Variants in SEMA5A observed in about 807,000 individuals in gnomAD.
The protein encoded by SEMA5A is semaphorin-5A.
In SEMA5A, 55 loss-of-function variants were observed where a neutral mutation model predicts 135.5. The ratio of observed to expected loss-of-function variants is 0.41; its 90% CI spans 0.33 to 0.51. SEMA5A has a LOEUF of 0.51. Ranked by LOEUF, SEMA5A falls within the 20% of genes least tolerant of loss-of-function variation. The probability of loss-of-function intolerance (pLI) is 0.37; values close to 1 mark genes in which losing one functional copy is unlikely to be tolerated. For missense variants in SEMA5A, 1,290 were observed against 1,419.9 expected (o/e 0.91, Z 1.47); for synonymous variants, 580 against 546.5 (o/e 1.06, Z -0.85).
At chr5:9,281,969 C>T (rs571579251) in intron 5 of SEMA5A, among the ~76,000 whole-genome samples, 46 of 152,066 alleles carry the variant, frequency 3.0e-4, no homozygotes, top group African/African-American at 1.0e-3. Flanking sequence ...CTTGCCACCA[C>T]GCCCAGCTAA....
At chr5:9,456,262 G>A (rs1320828304) in intron 1 of SEMA5A, among the ~76,000 whole-genome samples, 1 of 152,228 alleles carries the variant, frequency 6.6e-6, no homozygotes, top group Non-Finnish European at 1.5e-5. Context: ...AGGAAACTGT[G>A]TGTGGTAGCC....
At chr5:9,308,132 T>C (rs1751958758) in intron 5 of SEMA5A, among the ~76,000 whole-genome samples, 1 of 152,168 alleles carries the variant, frequency 6.6e-6, no homozygotes, top group Non-Finnish European at 1.5e-5. Context: ...CTAAGTAAGA[T>C]ACCTAAAAGT....
At chr5:9,392,740 T>C (rs1756216587) in intron 2 of SEMA5A, among the ~76,000 whole-genome samples, 1 of 152,188 alleles carries the variant, frequency 6.6e-6, no homozygotes, top group Non-Finnish European at 1.5e-5. Context: ...GTATGACCCA[T>C]ATAAATATTA....
At chr5:9,492,434 G>A (rs1053842009) in intron 1 of SEMA5A, among the ~76,000 whole-genome samples, 2 of 152,106 alleles carry the variant, frequency 1.3e-5, no homozygotes, top group Non-Finnish European at 2.9e-5. Context: ...AGACCCTTAA[G>A]CAATCCAAAA....
In SEMA5A at chr5:9,136,837, T is replaced by C. The variant is rs538742875; in HGVS notation, c.1482-216A>G. Among the ~76,000 whole-genome samples, 168 of 152,308 alleles carry C rather than the reference T, an allele frequency of 1.1e-3. 4 individuals carry two copies. In the South Asian group the frequency reaches 0.034, roughly 31 times the overall value. ...TTACACAGACATTTTGAAAAATCTA[T>C]GTTTTAATCTAACATACATGACAGA... On this transcript the variant is annotated intron_variant, in intron 12 of 22. Transcript: ENST00000382496.
chr5:9,495,091 G>A (rs1003768808), intron 1 of SEMA5A, among the ~76,000 whole-genome samples: 1 of 152,202 alleles, frequency 6.6e-6, no homozygotes, highest in African/African-American at 2.4e-5. Flanking sequence ...ATTCCAAAGT[G>A]TTTAAATTCT....
chr5:9,279,556 T>C (rs1051102552), intron 5 of SEMA5A, among the ~76,000 whole-genome samples: 1 of 152,120 alleles, frequency 6.6e-6, no homozygotes, highest in Non-Finnish European at 1.5e-5. Flanking sequence ...GGCAGAATGA[T>C]ATGGCTTAGC....
At chr5:9,064,249 C>T (rs1579326913) in intron 17 of SEMA5A, among the ~76,000 whole-genome samples, 4 of 152,012 alleles carry the variant, frequency 2.6e-5, no homozygotes, top group South Asian at 4.2e-4. Flanking sequence ...AAAATGAGTC[C>T]CATTTTGTGT....
At position 9,545,458 on chromosome 5, in the gene SEMA5A, C is replaced by A. The variant is rs1738338736; in HGVS notation, c.-175+126G>T. On this transcript the variant is annotated intron_variant, in intron 1 of 22. Coordinates refer to ENST00000382496, the MANE Select transcript of SEMA5A (RefSeq NM_003966.3). The surrounding 1 kb of genome is among the most constrained non-coding windows in gnomAD (Gnocchi z 4.5). ...CCAGGTGCCTGCTGATGGATCCCAC[C>A]CGAGATCGGCACCACCCACCAGCCG... 6.6e-6 allele frequency: 1 copy of A among 152,362 alleles called. No homozygotes were observed. Among genetic ancestry groups the A allele is most frequent in the East Asian group, 1.9e-4 (1 of 5,154 alleles). 9.4% of individuals were successfully genotyped at this position (152,362 alleles called of 1,614,324 possible).
chr5:9,426,376 G>C (rs912542139), intron 2 of SEMA5A, among the ~76,000 whole-genome samples: 2 of 149,778 alleles, frequency 1.3e-5, no homozygotes, highest in African/African-American at 4.9e-5. Context: ...AGTGAGCCGA[G>C]ATCACGCCAC....
chr5:9,469,543 G>T (rs1484676946), intron 1 of SEMA5A, among the ~76,000 whole-genome samples: 1 of 152,088 alleles, frequency 6.6e-6, no homozygotes, highest in Non-Finnish European at 1.5e-5. Context: ...TGAGAAAAAT[G>T]AGGCTCAAAA....
chr5:9,457,676 G>T (rs1385483257), intron 1 of SEMA5A, among the ~76,000 whole-genome samples: 2 of 152,082 alleles, frequency 1.3e-5, no homozygotes, highest in Non-Finnish European at 2.9e-5. Flanking sequence ...AAGTCTAGTT[G>T]TCTGGGAATT....
chr5:9,493,782 C>T (rs1184670750), intron 1 of SEMA5A, among the ~76,000 whole-genome samples: 1 of 152,122 alleles, frequency 6.6e-6, no homozygotes, highest in East Asian at 1.9e-4. Context: ...AGGAAGATGT[C>T]AGCAAAACAT....
intron 2 of SEMA5A, among the ~76,000 whole-genome samples, chr5:9,389,619 C>T (rs553348908): frequency 9.7e-4 from 147 of 152,260 alleles, no homozygotes; most frequent in Middle Eastern, 3.4e-3. Context: ...CCTTCCCTTA[C>T]CCACATTTAG....
At position 9,386,310 on chromosome 5, in the gene SEMA5A, T is replaced by C. The variant is rs914201467; in HGVS notation, c.-77-6287A>G. ...GCCAAAGATGGGGTCCAGTGCATGA[T>C]TGTCAGCTGCTGCCCAGTAAATAGT... is the stretch of plus-strand genomic sequence containing the variant. On this transcript the variant is annotated intron_variant, in intron 2 of 22. Coordinates refer to ENST00000382496, the MANE Select transcript of SEMA5A (RefSeq NM_003966.3). Among the ~76,000 whole-genome samples the C allele has an allele frequency of 4.9e-4, 74 of 152,324 alleles. 2 individuals are homozygous for C. The highest frequency in any genetic ancestry group is 1.0e-4 in the Non-Finnish European group (7 of 68,026).
intron 8 of SEMA5A, among the ~76,000 whole-genome samples, chr5:9,209,838 G>T (rs1746247018): frequency 6.6e-6 from 1 of 152,122 alleles, no homozygotes; most frequent in African/African-American, 2.4e-5. Flanking sequence ...CATAAATCTG[G>T]GCATTTTAGA....
intron 1 of SEMA5A, among the ~76,000 whole-genome samples, chr5:9,516,404 C>A (rs982160854): frequency 1.1e-4 from 17 of 151,962 alleles, no homozygotes; most frequent in African/African-American, 4.1e-4. Flanking sequence ...CACTTAGAAT[C>A]TCTAGAAAAA....
chr5:9,364,379 A>G (rs1222194176), intron 3 of SEMA5A, among the ~76,000 whole-genome samples: 1 of 152,156 alleles, frequency 6.6e-6, no homozygotes, highest in African/African-American at 2.4e-5. Context: ...CTACATATCT[A>G]TATTAGTCAG....
intron 1 of SEMA5A, among the ~76,000 whole-genome samples, chr5:9,462,298 G>A (rs968347447): frequency 2.0e-5 from 3 of 152,130 alleles, no homozygotes; most frequent in Non-Finnish European, 4.4e-5. Flanking sequence ...CACTCAGAAT[G>A]GCTATTATTA....
Sources: gnomAD v4.1 joint callset for allele counts (sites outside exome capture counted in the v4.1 genomes callset) on GRCh38, gnomAD v4.1.1 for gene constraint, Gnocchi (gnomAD v3.1) non-coding constraint, MANE v1.5 for transcripts, NCBI Gene and HGNC (gene_info 2026-07-23, HGNC 2026-07-21) for gene names.